Variants in RBM33 observed in about 807,000 individuals in gnomAD.
RBM33 encodes RNA binding motif protein 33.
Under a neutral mutation model 132.6 loss-of-function variants are expected in RBM33, and 28 were observed. The observed-to-expected ratio is 0.21, with a 90% CI of 0.16 to 0.29. The LOEUF (loss-of-function observed/expected upper bound fraction) is 0.29. Ranked by LOEUF, RBM33 falls within the 10% of genes least tolerant of loss-of-function variation. The probability of loss-of-function intolerance (pLI) is 1.00; values close to 1 mark genes in which losing one functional copy is unlikely to be tolerated. For synonymous variants in RBM33, 634 were observed against 593.0 expected (o/e 1.07, Z -1.01); for missense variants, 1,291 against 1,518.5 (o/e 0.85, Z 2.49).
chr7:155,780,825 C>T lies in RBM33; in HGVS notation c.*5784C>T, dbSNP rs564364259. The T allele has an allele frequency of 2.5e-3, 386 of 152,710 alleles. No homozygotes were observed. The highest frequency in any genetic ancestry group is 4.8e-3 in the Non-Finnish European group (328 of 68,050). 9.5% of individuals were successfully genotyped at this position (152,710 alleles called of 1,614,324 possible). A position where few individuals can be genotyped will look rare whatever the true frequency, so the allele number is the denominator to read the frequency against. On this transcript the variant is annotated 3_prime_UTR_variant, in exon 18 of 18. Transcript: ENST00000401878. ...CTTTGCTTCGACAGGTCTTCACTCA[C>T]GATTTATTCCTCCAGGTCTTTGATT...
At chr7:155,691,941 C>CT (rs1447802500) in intron 5 of RBM33, among the ~76,000 whole-genome samples, 2 of 151,734 alleles carry the variant, frequency 1.3e-5, no homozygotes, top group African/African-American at 4.8e-5. Context: ...GTCCCAGCTA[C>CT]TCAGGAGGCT....
Position 155,706,909 on chromosome 7 carries a change from G to A in RBM33, c.789G>A (p.Glu263=), listed in dbSNP as rs747710620. 6.2e-6 allele frequency: 10 copies of A among 1,607,448 alleles called. No individual in the cohort carries two copies. The East Asian group carries it at 2.0e-4, about 32-fold the overall frequency. Residue 263 remains glutamate, a synonymous_variant, in exon 7 of 18, where the codon GAG becomes GAA. Transcript: ENST00000401878. ...KAALLEFEER[E]RQHKQGRYSS... ...CATTGCTTGAATTTGAAGAAAGGGA[G>A]CGACAGCATAAACAAGGACGCTACA...
chr7:155,760,928 T>TG (rs1046273683), intron 14 of RBM33, among the ~76,000 whole-genome samples: 2 of 152,182 alleles, frequency 1.3e-5, no homozygotes, highest in African/African-American at 2.4e-5. Flanking sequence ...ATGTGGGGGT[T>TG]GGGGGTAGCC....
chr7:155,716,932 A>G (rs1800478616), intron 8 of RBM33, among the ~76,000 whole-genome samples: 1 of 152,212 alleles, frequency 6.6e-6, no homozygotes, highest in Non-Finnish European at 1.5e-5. Context: ...TTGATCAAGC[A>G]GTGACACAGG....
chr7:155,696,690 A>G (rs1476564902), intron 5 of RBM33, among the ~76,000 whole-genome samples: 1 of 152,196 alleles, frequency 6.6e-6, no homozygotes, highest in Non-Finnish European at 1.5e-5. Context: ...GAATTAAATT[A>G]ACTTAAAAAA....
At chr7:155,704,057 A>G (rs189093988) in intron 6 of RBM33, among the ~76,000 whole-genome samples, 3 of 152,324 alleles carry the variant, frequency 2.0e-5, no homozygotes, top group South Asian at 4.1e-4. Flanking sequence ...AAAAGTTTAC[A>G]TGTGAAACGA....
At position 155,735,498 on chromosome 7, in the gene RBM33, C is replaced by T. The variant is rs529859574; in HGVS notation, c.1261-2032C>T. 3.9e-5 allele frequency among the ~76,000 whole-genome samples: 6 copies of T among 152,038 alleles called. No homozygotes were observed. In the South Asian group the frequency reaches 6.2e-4, roughly 16 times the overall value. Reference sequence around the variant, plus strand: ...GGTGGAAGAATCATTTGAGCCCAGGCGTTCAAGACCAACTTGGGCAACATA... The same window carrying T: ...GGTGGAAGAATCATTTGAGCCCAGGTGTTCAAGACCAACTTGGGCAACATA... On this transcript the variant is annotated intron_variant, in intron 9 of 17. Transcript: ENST00000401878.
intron 3 of RBM33, among the ~76,000 whole-genome samples, chr7:155,676,798 A>G (rs7781949): frequency 1.3e-5 from 2 of 152,194 alleles, no homozygotes; most frequent in Non-Finnish European, 2.9e-5. Flanking sequence ...TTTCTCAGTG[A>G]AGTGGATATT....
At chr7:155,670,395 G>A (rs1563135817) in intron 2 of RBM33, among the ~76,000 whole-genome samples, 1 of 152,174 alleles carries the variant, frequency 6.6e-6, no homozygotes, top group Non-Finnish European at 1.5e-5. Context: ...GTTCATTGTT[G>A]TTTTTGCCAA....
chr7:155,691,341 A>G (rs1184925355), intron 5 of RBM33, among the ~76,000 whole-genome samples: 1 of 152,026 alleles, frequency 6.6e-6, no homozygotes, highest in Non-Finnish European at 1.5e-5. Flanking sequence ...GGACTTCTCT[A>G]CACTGGTTAT....
intron 2 of RBM33, among the ~76,000 whole-genome samples, chr7:155,670,717 A>C (rs1240366549): frequency 6.6e-6 from 1 of 152,188 alleles, no homozygotes; most frequent in Admixed American, 6.5e-5. Flanking sequence ...ACAGAAGTGC[A>C]TTGAGCGGAT....
intron 11 of RBM33, 94 bp from the exon 12 acceptor site, chr7:155,739,621 T>G (rs1307461264): frequency 3.7e-6 from 5 of 1,369,206 alleles, no homozygotes; most frequent in Non-Finnish European, 4.8e-6. Context: ...GAAAGTTCCT[T>G]TCTTGTGTTG....
At chr7:155,665,897 A>G (rs74701915) in intron 2 of RBM33, among the ~76,000 whole-genome samples, 6,993 of 152,320 alleles carry the variant, frequency 0.046, 243 homozygotes, top group Middle Eastern at 0.1. Flanking sequence ...GTTATTCTTT[A>G]TAACTTTTTT....
rs1019032644 is a variant in RBM33 at position 155,776,022 on chromosome 7, C to G, written c.*981C>G. 6.7e-6 allele frequency: 1 copy of G among 150,028 alleles called. No homozygotes were observed. Among genetic ancestry groups the G allele is most frequent in the Non-Finnish European group, 1.5e-5 (1 of 68,046 alleles). The allele number at this position is 150,028 out of a possible 1,614,324, so 9.3% of individuals were successfully genotyped here. ...TTCATCAGCGGATGTTCACTCTGGC[C>G]TGCCGTTCCCCGTGGCATGCGGGGT... On this transcript the variant is annotated 3_prime_UTR_variant, in exon 18 of 18. Coordinates refer to ENST00000401878, the MANE Select transcript of RBM33 (RefSeq NM_053043.3). This position sits in a 1 kb window ranked among gnomAD's most constrained non-coding sequence, Gnocchi z 4.0.
At chr7:155,662,736 G>A (rs138498008) in intron 1 of RBM33, among the ~76,000 whole-genome samples, 40 of 152,156 alleles carry the variant, frequency 2.6e-4, no homozygotes, top group South Asian at 8.3e-4. Context: ...CCATGAGTGG[G>A]ACCTGAGTGG....
intron 14 of RBM33, among the ~76,000 whole-genome samples, chr7:155,759,533 T>G (rs1013237160): frequency 6.7e-6 from 1 of 150,012 alleles, no homozygotes; most frequent in Admixed American, 6.7e-5. Context: ...TTCTCCTGCC[T>G]CAGCCTCCTG....
At chr7:155,653,764 A>G (rs1232430891) in intron 1 of RBM33, among the ~76,000 whole-genome samples, 3 of 152,196 alleles carry the variant, frequency 2.0e-5, no homozygotes, top group South Asian at 4.1e-4. Context: ...AAACTGTAAC[A>G]GTAAGTACGG....
intron 7 of RBM33, 145 bp from the exon 8 acceptor site, chr7:155,711,058 A>G (rs1800271540): frequency 8.2e-6 from 10 of 1,215,434 alleles, no homozygotes; most frequent in Non-Finnish European, 1.1e-5. Flanking sequence ...AGTTGTTACT[A>G]CAGACTTCTT....
chr7:155,759,656 T>G (rs1031695440), intron 14 of RBM33, among the ~76,000 whole-genome samples: 3 of 152,188 alleles, frequency 2.0e-5, no homozygotes, highest in Non-Finnish European at 2.9e-5. Context: ...CCTGACCTCG[T>G]GATCCACCCG....
Sources: allele counts gnomAD v4.1 joint callset (sites outside exome capture counted in the v4.1 genomes callset), GRCh38; gene constraint gnomAD v4.1.1; non-coding constraint Gnocchi (gnomAD v3.1); transcripts MANE v1.5; gene names NCBI Gene and HGNC (gene_info 2026-07-23, HGNC 2026-07-21).